RAPGEF1: variants seen among roughly 807,000 people sequenced by gnomAD.
RAPGEF1 encodes the protein CRK SH3-binding GNRP.
A neutral mutation model predicts 143.3 loss-of-function variants in RAPGEF1; 33 were observed. The observed-to-expected ratio is 0.23, with a 90% CI of 0.17 to 0.31. The LOEUF (loss-of-function observed/expected upper bound fraction) is 0.31, where lower values mean the gene tolerates loss of function less well. Ranked by LOEUF, RAPGEF1 falls within the 10% of genes least tolerant of loss-of-function variation. The probability of loss-of-function intolerance (pLI) is 1.00; values close to 1 mark genes in which losing one functional copy is unlikely to be tolerated. For synonymous variants in RAPGEF1, 629 were observed against 676.5 expected (o/e 0.93, Z 1.09); for missense variants, 1,199 against 1,645.4 (o/e 0.73, Z 4.69).
At chr9:131,656,548 G>A (rs1448325348) in intron 1 of RAPGEF1, among the ~76,000 whole-genome samples, 1 of 152,082 alleles carries the variant, frequency 6.6e-6, no homozygotes, top group East Asian at 1.9e-4. Flanking sequence ...GGCAGGATGC[G>A]TGGGTTCTCT....
At chr9:131,683,223 T>C (rs1209561293) in intron 1 of RAPGEF1, among the ~76,000 whole-genome samples, 1 of 152,218 alleles carries the variant, frequency 6.6e-6, no homozygotes, top group Non-Finnish European at 1.5e-5. Context: ...ATGGTGGCCA[T>C]TGTTAAGCCT....
chr9:131,710,729 C>T (rs915107192), intron 1 of RAPGEF1, among the ~76,000 whole-genome samples: 1 of 151,902 alleles, frequency 6.6e-6, no homozygotes, highest in African/African-American at 2.4e-5. Flanking sequence ...TCGCTACTAA[C>T]AATACAAAAA....
intron 1 of RAPGEF1, among the ~76,000 whole-genome samples, chr9:131,687,281 T>G (rs895554684): frequency 1.3e-5 from 2 of 152,148 alleles, no homozygotes; most frequent in Admixed American, 1.3e-4. Context: ...ACCTCCACTT[T>G]CCAGGTTCAA....
chr9:131,676,410 G>A (rs921498306), intron 1 of RAPGEF1, among the ~76,000 whole-genome samples: 2 of 152,202 alleles, frequency 1.3e-5, no homozygotes, highest in Admixed American at 6.5e-5. Context: ...CAAGCACCCC[G>A]GCTGTGCTAA....
chr9:131,665,640 G>A (rs1273011788), intron 1 of RAPGEF1, among the ~76,000 whole-genome samples: 4 of 151,822 alleles, frequency 2.6e-5, no homozygotes, highest in African/African-American at 4.8e-5. Context: ...ACCATGTGCC[G>A]CCCCAACCAA....
chr9:131,684,088 C>T (rs1339577026), intron 1 of RAPGEF1, among the ~76,000 whole-genome samples: 1 of 152,342 alleles, frequency 6.6e-6, no homozygotes, highest in East Asian at 1.9e-4. Context: ...TACAGCATTA[C>T]CTGGAAAGAA....
At chr9:131,719,889 T>TC (rs1836143833) in intron 1 of RAPGEF1, among the ~76,000 whole-genome samples, 2 of 148,152 alleles carry the variant, frequency 1.3e-5, no homozygotes, top group South Asian at 2.1e-4. Context: ...TTTCTTTCTT[T>TC]TTTTTTTTTT....
chr9:131,651,197 T>C (rs1391800706), intron 1 of RAPGEF1, among the ~76,000 whole-genome samples: 1 of 152,186 alleles, frequency 6.6e-6, no homozygotes, highest in East Asian at 1.9e-4. Context: ...AACTTGCAAA[T>C]ATTCCCAAGT....
rs150811948 is a variant in RAPGEF1, at chr9:131,579,633, C to T, written c.3656G>A (p.Arg1219Gln). The change falls in exon 27 of 27, where the codon CGG becomes CAG. Residue 1219 changes from arginine to glutamine, a missense_variant. By Grantham distance (43) the Arg-to-Gln change is conservative. This residue lies in a region of RAPGEF1 where 67 missense variants were observed against 105.4 expected (regional missense o/e 0.64). Transcript: ENST00000683357. ...GAAGTTTATAATGTCGTCGTTCCTC[C>T]GCATGTCATAGTGCCTGGTGCAGGG... Reference protein sequence around the residue: ...RCFQQAHYDMRRNDDIINFFN... With the variant: ...RCFQQAHYDMQRNDDIINFFN... The T allele has an allele frequency of 2.1e-4, 338 of 1,613,948 alleles. 2 individuals are homozygous for T. The highest frequency in any genetic ancestry group is 9.1e-4 in the East Asian group (41 of 44,880).
chr9:131,706,091 T>G lies in RAPGEF1; in HGVS notation c.61+33679A>C, dbSNP rs1039681230. On this transcript the variant is annotated intron_variant, in intron 1 of 26. Coordinates refer to ENST00000683357, the MANE Select transcript of RAPGEF1 (RefSeq NM_001377935.1). The stretch of plus-strand genomic sequence containing the variant: ...GGCCGCCTGGTCTGTCCCAACTGTC[T>G]GTAGCAAATCCACATAACGATATGC... Among the ~76,000 whole-genome samples, 6 of 152,288 alleles carry G rather than the reference T, an allele frequency of 3.9e-5. No homozygotes were observed. In the East Asian group the frequency reaches 1.2e-3, roughly 29 times the overall value.
intron 1 of RAPGEF1, among the ~76,000 whole-genome samples, chr9:131,724,385 G>A (rs1433989509): frequency 6.6e-6 from 1 of 152,220 alleles, no homozygotes; most frequent in African/African-American, 2.4e-5. Context: ...CACGAGGCCA[G>A]GAGATTGAGA....
intron 1 of RAPGEF1, among the ~76,000 whole-genome samples, chr9:131,716,352 CTTG>C (rs1394156730): frequency 6.6e-6 from 1 of 152,256 alleles, no homozygotes; most frequent in African/African-American, 2.4e-5. Context: ...AAGCTGTTTA[CTTG>C]TTGTTCTTTA....
chr9:131,580,420 C>T (rs1951685634), intron 25 of RAPGEF1, 29 bp from the exon 26 acceptor site: 2 of 1,607,736 alleles, frequency 1.2e-6, no homozygotes, highest in Admixed American at 1.7e-5. Context: ...CAGCCTGTTA[C>T]TGCTACGGGG....
In RAPGEF1 at chr9:131,634,160, G is replaced by T. The variant is rs550899806; in HGVS notation, c.652-3836C>A. 2.0e-5 allele frequency among the ~76,000 whole-genome samples: 3 copies of T among 152,276 alleles called. No individual in the cohort carries two copies. In the South Asian group the frequency reaches 6.2e-4, roughly 32 times the overall value. On this transcript the variant is annotated intron_variant, in intron 5 of 26. Transcript: ENST00000683357. ...CCCAGCTACTCCGGAGGCTGAGGCTGGAGGATTGCTTGAATCCAGAAGGCG... is the reference window on the plus strand; with the variant it reads ...CCCAGCTACTCCGGAGGCTGAGGCTTGAGGATTGCTTGAATCCAGAAGGCG...
At chr9:131,662,489 T>C (rs1003465309) in intron 1 of RAPGEF1, among the ~76,000 whole-genome samples, 1 of 152,072 alleles carries the variant, frequency 6.6e-6, no homozygotes, top group Non-Finnish European at 1.5e-5. Flanking sequence ...CACATGATCC[T>C]CCTGAGGAGC....
At chr9:131,712,483 C>T (rs888148525) in intron 1 of RAPGEF1, among the ~76,000 whole-genome samples, 4 of 152,228 alleles carry the variant, frequency 2.6e-5, no homozygotes, top group African/African-American at 9.7e-5. Flanking sequence ...CTGTTTCCTC[C>T]ACTTCCCCAC....
At position 131,628,466 on chromosome 9, in the gene RAPGEF1, G is replaced by C. The variant is rs1387457330; in HGVS notation, c.1017+83C>G. 6.5e-7 allele frequency: 1 copy of C among 1,543,856 alleles called. No individual in the cohort carries two copies. Among genetic ancestry groups the C allele is most frequent in the Non-Finnish European group, 8.8e-7 (1 of 1,136,138 alleles). On this transcript the variant is annotated intron_variant, in intron 8 of 26. Coordinates refer to ENST00000683357, the MANE Select transcript of RAPGEF1 (RefSeq NM_001377935.1). The surrounding 1 kb of genome is among the most constrained non-coding windows in gnomAD (Gnocchi z 5.7). Reference sequence around the variant, plus strand: ...AAACACCAGCGCCTGAAGACCATGGGTTTCTTTCAGCTTCAGGAGCCACAT... The same window carrying C: ...AAACACCAGCGCCTGAAGACCATGGCTTTCTTTCAGCTTCAGGAGCCACAT...
chr9:131,682,885 G>A (rs1373666178), intron 1 of RAPGEF1, among the ~76,000 whole-genome samples: 2 of 152,104 alleles, frequency 1.3e-5, no homozygotes, highest in Non-Finnish European at 2.9e-5. Flanking sequence ...AATTCAACCC[G>A]CTCAATGTAA....
At chr9:131,720,010 C>G (rs961081941) in intron 1 of RAPGEF1, among the ~76,000 whole-genome samples, 16 of 151,956 alleles carry the variant, frequency 1.1e-4, no homozygotes, top group African/African-American at 3.9e-4. Context: ...CTGAGCCTCC[C>G]GATTAGCTGG....
Sources: gnomAD v4.1 joint callset for allele counts (sites outside exome capture counted in the v4.1 genomes callset) on GRCh38, gnomAD v4.1.1 for gene constraint, gnomAD v4.1.1 regional missense constraint, Gnocchi (gnomAD v3.1) non-coding constraint, MANE v1.5 for transcripts, NCBI Gene and HGNC (gene_info 2026-07-23, HGNC 2026-07-21) for gene names.